Variants in ARHGAP18 observed in about 807,000 individuals in gnomAD.
ARHGAP18 encodes rho GTPase-activating protein 18.
In ARHGAP18, 67 loss-of-function variants were observed where a neutral mutation model predicts 86.2. That is an observed-to-expected ratio of 0.78 (90% CI 0.64 to 0.95). The LOEUF (loss-of-function observed/expected upper bound fraction) is 0.95, where lower values mean the gene tolerates loss of function less well. Ranked by LOEUF, ARHGAP18 falls within the 40% of genes least tolerant of loss-of-function variation. The pLI is 0.00. For synonymous variants in ARHGAP18, 283 were observed against 280.4 expected (o/e 1.01, Z -0.09); for missense variants, 691 against 780.4 (o/e 0.89, Z 1.37).
intron 12 of ARHGAP18, among the ~76,000 whole-genome samples, chr6:129,596,064 G>C (rs1788610210): frequency 1.3e-5 from 2 of 151,948 alleles, no homozygotes; most frequent in South Asian, 4.2e-4. Context: ...ATTTTTCTTT[G>C]CTCCCTTTTA....
chr6:129,645,696 G>C (rs1354804054), intron 1 of ARHGAP18, among the ~76,000 whole-genome samples: 2 of 152,176 alleles, frequency 1.3e-5, no homozygotes, highest in Non-Finnish European at 2.9e-5. Flanking sequence ...GCTCTATAAA[G>C]AATCGCTTCC....
intron 1 of ARHGAP18, among the ~76,000 whole-genome samples, chr6:129,706,953 G>T (rs183697883): frequency 1.3e-5 from 2 of 150,696 alleles, no homozygotes; most frequent in South Asian, 4.2e-4. Flanking sequence ...CAGGCTGGGC[G>T]CAGTGGCTCA....
At position 129,605,964 on chromosome 6, in the gene ARHGAP18, A is replaced by C; in HGVS notation, c.1283-5T>G. On this transcript the variant is annotated splice_polypyrimidine_tract_variant and splice_region_variant and intron_variant, in intron 9 of 14. Coordinates refer to ENST00000368149, the MANE Select transcript of ARHGAP18 (RefSeq NM_033515.3). ...GCTGCTTCTTGGTTGGAAGATCTGC[A>C]GACAAATTAAATAAATCTGAACTCT... is the stretch of plus-strand genomic sequence containing the variant. 1 of 1,612,450 alleles carries C rather than the reference A, an allele frequency of 6.2e-7. No individual in the cohort carries two copies. Among genetic ancestry groups the C allele is most frequent in the Non-Finnish European group, 8.5e-7 (1 of 1,178,624 alleles).
intron 3 of ARHGAP18, among the ~76,000 whole-genome samples, chr6:129,636,446 A>C (rs1057150252): frequency 1.3e-5 from 2 of 152,232 alleles, no homozygotes; most frequent in Non-Finnish European, 2.9e-5. Context: ...TATAGTGTAA[A>C]TAGAATCTCA....
chr6:129,629,554 T>A (rs775779019), intron 4 of ARHGAP18, 32 bp from the exon 5 acceptor site: 4 of 1,571,858 alleles, frequency 2.5e-6, no homozygotes, highest in Admixed American at 2.1e-5. Context: ...ACCCAATTCA[T>A]ATGCTTTATT....
In ARHGAP18 at chr6:129,584,295, T is replaced by C. The variant is rs547409145; in HGVS notation, c.1714-183A>G. Among the ~76,000 whole-genome samples the C allele has an allele frequency of 3.9e-5, 6 of 152,358 alleles. No homozygotes were observed. In the East Asian group the frequency reaches 9.6e-4, roughly 24 times the overall value. Reference sequence around the variant, plus strand: ...ACCTCAAATATCCTCTTAATGGTGATAGGGGAACTTTATAATGCCTGTGCA... The same window carrying C: ...ACCTCAAATATCCTCTTAATGGTGACAGGGGAACTTTATAATGCCTGTGCA... On this transcript the variant is annotated intron_variant, in intron 12 of 14. Coordinates refer to ENST00000368149, the MANE Select transcript of ARHGAP18 (RefSeq NM_033515.3).
intron 13 of ARHGAP18, among the ~76,000 whole-genome samples, chr6:129,580,760 A>T (rs1788271275): frequency 6.6e-6 from 1 of 152,060 alleles, no homozygotes; most frequent in Non-Finnish European, 1.5e-5. Flanking sequence ...CTGTGATCCT[A>T]GCTACTCGGG....
chr6:129,658,300 C>T (rs182339289), intron 1 of ARHGAP18, among the ~76,000 whole-genome samples: 1 of 152,320 alleles, frequency 6.6e-6, no homozygotes, highest in Admixed American at 6.5e-5. Flanking sequence ...TCCCAACTTA[C>T]ACCTCAACCA....
intron 4 of ARHGAP18, among the ~76,000 whole-genome samples, chr6:129,633,113 G>A (rs1032106038): frequency 6.6e-6 from 1 of 152,042 alleles, no homozygotes; most frequent in African/African-American, 2.4e-5. Context: ...TTCTCTCTTA[G>A]TAAGTACTAA....
rs192902733 is a variant in ARHGAP18, at chr6:129,579,364, A to G, written c.1900+706T>C. 9.9e-5 allele frequency among the ~76,000 whole-genome samples: 15 copies of G among 152,266 alleles called. No individual in the cohort carries two copies. In the East Asian group the frequency reaches 1.3e-3, roughly 14 times the overall value. Reference sequence around the variant, plus strand: ...TATTTAACTTTTAATATTTACTAACATTTTTAATTCCCACAAAAACACCCT... The same window carrying G: ...TATTTAACTTTTAATATTTACTAACGTTTTTAATTCCCACAAAAACACCCT... On this transcript the variant is annotated intron_variant, in intron 14 of 14. Coordinates refer to ENST00000368149, the MANE Select transcript of ARHGAP18 (RefSeq NM_033515.3).
At chr6:129,670,975 C>T (rs530725279) in intron 1 of ARHGAP18, among the ~76,000 whole-genome samples, 2 of 152,246 alleles carry the variant, frequency 1.3e-5, no homozygotes, top group East Asian at 3.9e-4. Context: ...GATAGAAAAC[C>T]TACCTCTTCA....
chr6:129,583,886 A>G, intron 13 of ARHGAP18, 102 bp downstream of exon 13: 1 of 1,460,952 alleles, frequency 6.8e-7, no homozygotes, highest in East Asian at 2.3e-5. Context: ...CCCCACAATT[A>G]AAACAAAAAA....
chr6:129,630,396 C>T (rs998967190), intron 4 of ARHGAP18, among the ~76,000 whole-genome samples: 2 of 152,044 alleles, frequency 1.3e-5, no homozygotes, highest in Non-Finnish European at 2.9e-5. Flanking sequence ...AAGCCAAGAA[C>T]CAAGATTACT....
chr6:129,603,673 G>T (rs1314902531), intron 10 of ARHGAP18, among the ~76,000 whole-genome samples: 1 of 152,166 alleles, frequency 6.6e-6, no homozygotes, highest in Admixed American at 6.5e-5. Flanking sequence ...TAAATGTCAA[G>T]AATTATATTA....
intron 13 of ARHGAP18, 83 bp from the exon 14 acceptor site, chr6:129,580,214 G>T: frequency 8.1e-7 from 1 of 1,233,040 alleles, no homozygotes; most frequent in Non-Finnish European, 1.2e-6. Context: ...GGGAATTCTG[G>T]CTGGTATGGA....
intron 1 of ARHGAP18, among the ~76,000 whole-genome samples, chr6:129,685,805 A>C (rs1181546858): frequency 1.3e-5 from 2 of 152,072 alleles, no homozygotes; most frequent in Non-Finnish European, 2.9e-5. Context: ...TACACACAAA[A>C]ATGAATTTAG....
In ARHGAP18 at chr6:129,625,412, T is replaced by A. The variant is rs189354827; in HGVS notation, c.786+3941A>T. On this transcript the variant is annotated intron_variant, in intron 5 of 14. Transcript: ENST00000368149. ...ATATTTATACATATGTATTATATATTATATATAATATATATTATATATAAT... is the reference window on the plus strand; with the variant it reads ...ATATTTATACATATGTATTATATATAATATATAATATATATTATATATAAT... Among the ~76,000 whole-genome samples the A allele has an allele frequency of 2.1e-4, 8 of 38,986 alleles. No individual in the cohort carries two copies. The South Asian group carries it at 3.2e-3, about 16-fold the overall frequency. 25.6% of individuals were successfully genotyped at this position (38,986 alleles called of 152,430 possible).
chr6:129,607,670 CT>C (rs1222957968), intron 9 of ARHGAP18, among the ~76,000 whole-genome samples: 2 of 152,170 alleles, frequency 1.3e-5, no homozygotes, highest in Non-Finnish European at 2.9e-5. Flanking sequence ...TGCAATTAAT[CT>C]GTACCCAAAG....
chr6:129,690,888 A>G (rs923372883), intron 1 of ARHGAP18, among the ~76,000 whole-genome samples: 1 of 152,216 alleles, frequency 6.6e-6, no homozygotes, highest in Non-Finnish European at 1.5e-5. Context: ...AAATCTTTGA[A>G]ATTGAAAATT....
Sources: gnomAD v4.1 joint callset for allele counts (sites outside exome capture counted in the v4.1 genomes callset) on GRCh38, gnomAD v4.1.1 for gene constraint, MANE v1.5 for transcripts, NCBI Gene and HGNC (gene_info 2026-07-23, HGNC 2026-07-21) for gene names.